The following NDUFS3 variants were observed in gnomAD, a reference collection of about 807,000 sequenced individuals.
NDUFS3 encodes the protein NADH dehydrogenase [ubiquinone] iron-sulfur protein 3, mitochondrial.
NDUFS3 carries 19 observed loss-of-function variants against 30.8 expected under a neutral mutation model. The observed-to-expected ratio is 0.62, with a 90% CI of 0.43 to 0.91. The LOEUF (loss-of-function observed/expected upper bound fraction) is 0.91, where lower values mean the gene tolerates loss of function less well. NDUFS3 is among the 40% of genes least tolerant of loss of function. The pLI is 0.00. For missense variants in NDUFS3, 331 were observed against 342.0 expected (o/e 0.97, Z 0.25); for synonymous variants, 153 against 135.8 (o/e 1.13, Z -0.88).
rs768879782 is a variant in NDUFS3, at chr11:47,582,229, T to C, written c.507+16T>C. ...TGAAAGGGAGGTGAGTTACCGGATA[T>C]GGTGGACCTGCCTCTGGGCCACAGT... On this transcript the variant is annotated intron_variant, in intron 5 of 6. Coordinates refer to ENST00000263774, the MANE Select transcript of NDUFS3 (RefSeq NM_004551.3). 3 of 1,614,090 alleles carry C rather than the reference T, an allele frequency of 1.9e-6. No individual in the cohort carries two copies. The highest frequency in any genetic ancestry group is 2.5e-6 in the Non-Finnish European group (3 of 1,180,046).
Position 47,580,547 on chromosome 11 carries a change from T to C in NDUFS3, c.156T>C (p.Asp52=), listed in dbSNP as rs751293925. Residue 52 remains aspartate, a synonymous_variant, in exon 3 of 7, where the codon GAT becomes GAC. Coordinates refer to ENST00000263774, the MANE Select transcript of NDUFS3 (RefSeq NM_004551.3). Reference sequence around the variant, plus strand: ...CAGCCACTGTCAGACCACGGAATGATGTGGCCCACAAGCAGCTCTCAGCTT... The same window carrying C: ...CAGCCACTGTCAGACCACGGAATGACGTGGCCCACAAGCAGCTCTCAGCTT... ...DTRPTVRPRN[D]VAHKQLSAFG... is the part of the protein sequence containing the mutation. The C allele has an allele frequency of 2.4e-5, 39 of 1,614,088 alleles. No homozygotes were observed. Among genetic ancestry groups the C allele is most frequent in the Non-Finnish European group, 3.1e-5 (36 of 1,180,050 alleles).
At chr11:47,582,046 G>C in intron 4 of NDUFS3, 42 bp from the exon 5 acceptor site, 1 of 1,611,278 alleles carries the variant, frequency 6.2e-7, no homozygotes, top group Non-Finnish European at 8.5e-7. Context: ...TCCCAATCAG[G>C]GACTCCCATC....
chr11:47,582,558 T>C, intron 6 of NDUFS3, 90 bp downstream of exon 6: 1 of 1,594,452 alleles, frequency 6.3e-7, no homozygotes, highest in Non-Finnish European at 8.6e-7. Flanking sequence ...ATACGGTCTG[T>C]GGATTGTGGT....
At chr11:47,582,937 C>T (rs2097269439) in intron 6 of NDUFS3, among the ~76,000 whole-genome samples, 1 of 152,026 alleles carries the variant, frequency 6.6e-6, no homozygotes, top group South Asian at 2.1e-4. Flanking sequence ...GCGGAGGTTG[C>T]AGTGAGCCGA....
At chr11:47,580,052 G>GACACAC (rs5791768) in intron 2 of NDUFS3, among the ~76,000 whole-genome samples, 8,201 of 147,188 alleles carry the variant, frequency 0.056, 219 homozygotes, top group African/African-American at 0.06. Context: ...TTTTCTCATT[G>GACACAC]ACACACACAC....
rs146407178 is a variant in NDUFS3, at chr11:47,582,130, C to T, written c.424C>T (p.Arg142Cys). The T allele has an allele frequency of 8.2e-5, 132 of 1,613,750 alleles. No individual in the cohort carries two copies. The highest frequency in any genetic ancestry group is 1.0e-4 in the Non-Finnish European group (121 of 1,179,922). ...LLSLRFNSRI[R>C]VKTYTDELTP... Reference sequence around the variant, plus strand: ...GTCTCTGCGCTTCAACTCACGGATCCGTGTGAAGACCTACACAGATGAGCT... The same window carrying T: ...GTCTCTGCGCTTCAACTCACGGATCTGTGTGAAGACCTACACAGATGAGCT... Residue 142 changes from arginine to cysteine, a missense_variant, in exon 5 of 7, where the codon CGT (arginine) becomes TGT (cysteine). By Grantham distance (180) the Arg-to-Cys change is radical. Transcript: ENST00000263774.
Position 47,582,402 on chromosome 11 carries a change from C to T in NDUFS3, c.561C>T (p.Ile187=), listed in dbSNP as rs760510463. 135 of 1,614,062 alleles carry T rather than the reference C, an allele frequency of 8.4e-5. No homozygotes were observed. The highest frequency in any genetic ancestry group is 1.1e-4 in the Non-Finnish European group (130 of 1,180,054). Residue 187 remains isoleucine, a synonymous_variant, in exon 6 of 7, where the codon ATC becomes ATT. Transcript: ENST00000263774. ...FFANHPDLRR[I]LTDYGFEGHP... is the part of the protein sequence containing the mutation. ...CTAACCACCCTGATCTAAGAAGGAT[C>T]CTGACAGATTATGGCTTCGAGGGAC...
Position 47,584,442 on chromosome 11 carries a change from C to G in NDUFS3, c.756C>G (p.Leu252=), listed in dbSNP as rs2097270206. ...FPVYRQPPES[L]KLEAGDKKPD... Reference sequence around the variant, plus strand: ...TCTATCGCCAACCCCCGGAGAGTCTCAAGCTTGAAGCCGGAGACAAGAAGC... The same window carrying G: ...TCTATCGCCAACCCCCGGAGAGTCTGAAGCTTGAAGCCGGAGACAAGAAGC... Residue 252 remains leucine, a synonymous_variant, in exon 7 of 7, where the codon CTC becomes CTG. Coordinates refer to ENST00000263774, the MANE Select transcript of NDUFS3 (RefSeq NM_004551.3). 6.2e-7 allele frequency: 1 copy of G among 1,614,178 alleles called. No individual in the cohort carries two copies. Among genetic ancestry groups the G allele is most frequent in the Non-Finnish European group, 8.5e-7 (1 of 1,180,038 alleles).
chr11:47,581,024 A>G (rs2097268586), intron 4 of NDUFS3, 40 bp downstream of exon 4: 9 of 1,613,144 alleles, frequency 5.6e-6, no homozygotes, highest in Non-Finnish European at 7.6e-6. Context: ...GGGTAAGGAT[A>G]TTAATTTCAG....
At chr11:47,579,998 C>T (rs1377626920) in intron 2 of NDUFS3, among the ~76,000 whole-genome samples, 1 of 89,656 alleles carries the variant, frequency 1.1e-5, no homozygotes, top group African/African-American at 5.6e-5. Flanking sequence ...CACACACACA[C>T]ACACACACAC....
intron 4 of NDUFS3, chr11:47,581,235 C>A: frequency 4.3e-6 from 2 of 463,254 alleles, no homozygotes; most frequent in Non-Finnish European, 7.9e-6. Flanking sequence ...CTCACTGCAA[C>A]CTCCGTCTCC....
intron 2 of NDUFS3, among the ~76,000 whole-genome samples, chr11:47,580,284 A>G (rs963616682): frequency 2.0e-5 from 3 of 152,172 alleles, no homozygotes; most frequent in Admixed American, 1.3e-4. Flanking sequence ...AATTTTGAGA[A>G]GAGGTGAACA....
At position 47,580,526 on chromosome 11, in the gene NDUFS3, C is replaced by A. The variant is rs2097268041; in HGVS notation, c.135C>A (p.Pro45=). Residue 45 remains proline (P), a splice_region_variant and synonymous_variant, in exon 3 of 7, where the codon CCC becomes CCA. Coordinates refer to ENST00000263774, the MANE Select transcript of NDUFS3 (RefSeq NM_004551.3). Reference sequence around the variant, plus strand: ...TTTAAATATGCCTTTTCCTTCCAGCCACTGTCAGACCACGGAATGATGTGG... The same window carrying A: ...TTTAAATATGCCTTTTCCTTCCAGCAACTGTCAGACCACGGAATGATGTGG... ...RRESAGADTR[P]TVRPRNDVAH... 6.2e-7 allele frequency: 1 copy of A among 1,614,124 alleles called. No homozygotes were observed. The highest frequency in any genetic ancestry group is 1.3e-5 in the African/African-American group (1 of 75,016).
chr11:47,582,004 A>G, intron 4 of NDUFS3, 84 bp from the exon 5 acceptor site: 1 of 1,564,574 alleles, frequency 6.4e-7, no homozygotes, highest in South Asian at 1.1e-5. Context: ...TTTGAGGTTC[A>G]GAATAGAAGG....
At chr11:47,579,184 C>T (rs779800050) in intron 1 of NDUFS3, 26 bp downstream of exon 1, 11 of 1,613,178 alleles carry the variant, frequency 6.8e-6, no homozygotes, top group Non-Finnish European at 9.3e-6. Context: ...CAGCTGAGAC[C>T]GGGGTCAGGC....
At position 47,582,154 on chromosome 11, in the gene NDUFS3, C is replaced by G. The variant is rs1332021499; in HGVS notation, c.448C>G (p.Leu150Val). The G allele has an allele frequency of 6.2e-7, 1 of 1,614,222 alleles. No individual in the cohort carries two copies. The highest frequency in any genetic ancestry group is 1.1e-5 in the South Asian group (1 of 91,090). Residue 150 changes from leucine to valine, a missense_variant, in exon 5 of 7, where the codon CTG becomes GTG. Coordinates refer to ENST00000263774, the MANE Select transcript of NDUFS3 (RefSeq NM_004551.3). ...RIRVKTYTDE[L>V]TPIESAVSVF... ...CCGTGTGAAGACCTACACAGATGAG[C>G]TGACGCCCATTGAGTCTGCTGTCTC...
Position 47,584,457 on chromosome 11 carries a change from A to G in NDUFS3, c.771A>G (p.Gly257=). The G allele has an allele frequency of 1.2e-6, 2 of 1,614,110 alleles. No homozygotes were observed. The highest frequency in any genetic ancestry group is 2.2e-5 in the South Asian group (2 of 91,074). ...CGGAGAGTCTCAAGCTTGAAGCCGG[A>G]GACAAGAAGCCTGATGCCAAGTAGC... ...QPPESLKLEA[G]DKKPDAK The change falls in exon 7 of 7, where the codon GGA becomes GGG. Residue 257 remains glycine, a synonymous_variant. Coordinates refer to ENST00000263774, the MANE Select transcript of NDUFS3 (RefSeq NM_004551.3).
chr11:47,582,171 T>A lies in NDUFS3; in HGVS notation c.465T>A (p.Ser155=), dbSNP rs759164951. 3 of 1,614,084 alleles carry A rather than the reference T, an allele frequency of 1.9e-6. No individual in the cohort carries two copies. The highest frequency in any genetic ancestry group is 2.2e-5 in the South Asian group (2 of 91,084). Residue 155 remains serine (S), a synonymous_variant, in exon 5 of 7, where the codon TCT becomes TCA. Coordinates refer to ENST00000263774, the MANE Select transcript of NDUFS3 (RefSeq NM_004551.3). ...TYTDELTPIE[S]AVSVFKAANW... ...CAGATGAGCTGACGCCCATTGAGTCTGCTGTCTCTGTGTTCAAGGCAGCCA... is the reference window on the plus strand; with the variant it reads ...CAGATGAGCTGACGCCCATTGAGTCAGCTGTCTCTGTGTTCAAGGCAGCCA...
chr11:47,579,483 G>A (rs2097266836), intron 2 of NDUFS3, 149 bp downstream of exon 2: 1 of 954,026 alleles, frequency 1.0e-6, no homozygotes, highest in Non-Finnish European at 1.6e-6. Context: ...GCAGAATCGA[G>A]CCCTCCCTGT....
Sources: gnomAD v4.1 joint callset for allele counts (sites outside exome capture counted in the v4.1 genomes callset) on GRCh38, gnomAD v4.1.1 for gene constraint, MANE v1.5 for transcripts, NCBI Gene and HGNC (gene_info 2026-07-23, HGNC 2026-07-21) for gene names.